Variants in CTNNA2 observed in about 807,000 individuals in gnomAD.
CTNNA2 encodes catenin alpha 2.
In CTNNA2, 42 loss-of-function variants were observed where a neutral mutation model predicts 101.0. The observed-to-expected ratio is 0.42, with a 90% CI of 0.32 to 0.54. The LOEUF is 0.54. Ranked by LOEUF, CTNNA2 falls within the 20% of genes least tolerant of loss-of-function variation. CTNNA2 has a pLI of 0.14. For missense variants in CTNNA2, 871 were observed against 1,223.1 expected, an observed-to-expected ratio of 0.71 and a Z score of 4.29; for synonymous variants, 450 against 456.4, an observed-to-expected ratio of 0.99 and a Z score of 0.18.
chr2:79,827,740 G>A (rs1169509363), intron 3 of CTNNA2, among the ~76,000 whole-genome samples: 2 of 152,164 alleles, frequency 1.3e-5, no homozygotes, highest in Non-Finnish European at 2.9e-5. Context: ...AAAGTCTTAT[G>A]TGTCAACAAT....
At chr2:80,215,920 C>T (rs1708238096) in intron 7 of CTNNA2, among the ~76,000 whole-genome samples, 1 of 152,210 alleles carries the variant, frequency 6.6e-6, no homozygotes, top group Non-Finnish European at 1.5e-5. Context: ...CCAATTCGAG[C>T]TTCCTGACCA....
rs578127536 is a variant in CTNNA2, at chr2:79,989,438, C to T, written c.1056+79641C>T. ...AGAAGTTCAAAACCAGCCTGAGCAA[C>T]ATGGTGAAAATCCCGTCTATACAAA... On this transcript the variant is annotated intron_variant, in intron 7 of 18. Transcript: ENST00000402739. Among the ~76,000 whole-genome samples, 37 of 152,194 alleles carry T rather than the reference C, an allele frequency of 2.4e-4. No individual in the cohort carries two copies. The Middle Eastern group carries it at 0.01, about 42-fold the overall frequency.
At chr2:79,536,575 G>GTA (rs1553422804) in intron 1 of CTNNA2, among the ~76,000 whole-genome samples, 3,327 of 20,832 alleles carry the variant, frequency 0.16, 120 homozygotes, top group African/African-American at 0.36. Flanking sequence ...CTCTAAAGAA[G>GTA]TGTGTGTGTG....
At chr2:79,730,664 A>C (rs1479855351) in intron 2 of CTNNA2, among the ~76,000 whole-genome samples, 1 of 152,070 alleles carries the variant, frequency 6.6e-6, no homozygotes, top group African/African-American at 2.4e-5. Flanking sequence ...TTCTAAAAGT[A>C]GCTTGAAATT....
intron 3 of CTNNA2, among the ~76,000 whole-genome samples, chr2:79,801,304 G>C (rs1461832921): frequency 6.6e-6 from 1 of 152,136 alleles, no homozygotes; most frequent in Non-Finnish European, 1.5e-5. Flanking sequence ...CTGCCCCAGG[G>C]TATGCTTTTG....
At chr2:79,845,823 T>C (rs1287360129) in intron 3 of CTNNA2, among the ~76,000 whole-genome samples, 3 of 152,234 alleles carry the variant, frequency 2.0e-5, no homozygotes, top group Non-Finnish European at 4.4e-5. Context: ...AGCTGTGTTT[T>C]ATTATGGTTT....
intron 2 of CTNNA2, among the ~76,000 whole-genome samples, chr2:79,216,784 G>C (rs75932120): frequency 0.16 from 24,850 of 150,822 alleles, 2,425 homozygotes; most frequent in South Asian, 0.23. Context: ...CCCCAGAAAA[G>C]CAGAGAAGGG....
At chr2:80,268,383 A>G (rs1459040603) in intron 7 of CTNNA2, among the ~76,000 whole-genome samples, 2 of 152,158 alleles carry the variant, frequency 1.3e-5, no homozygotes, top group African/African-American at 4.8e-5. Context: ...GGACATCTCT[A>G]TTTTACAGGT....
At position 79,525,141 on chromosome 2, in the gene CTNNA2, A is replaced by G. The variant is rs1343117916; in HGVS notation, c.-6+11934A>G. Among the ~76,000 whole-genome samples the G allele has an allele frequency of 2.6e-5, 4 of 152,080 alleles. No homozygotes were observed. The East Asian group carries it at 7.7e-4, about 29-fold the overall frequency. ...GCTGTTGTGCTAATACGAGACCTTC[A>G]TTCCACATCCATCATTGTTTGTTAG... On this transcript the variant is annotated intron_variant, in intron 1 of 18. Transcript: ENST00000402739.
chr2:79,466,697 G>T (rs1185362215), intron 4 of CTNNA2, among the ~76,000 whole-genome samples: 1 of 152,174 alleles, frequency 6.6e-6, no homozygotes, highest in Non-Finnish European at 1.5e-5. Flanking sequence ...GGAAAAATCA[G>T]GCAGCAACAT....
intron 1 of CTNNA2, among the ~76,000 whole-genome samples, chr2:79,606,405 C>T (rs1433510637): frequency 6.6e-6 from 1 of 152,002 alleles, no homozygotes; most frequent in Non-Finnish European, 1.5e-5. Context: ...GTAGCTGGGA[C>T]TACAGACACC....
At chr2:80,439,711 A>G (rs1682383250) in intron 9 of CTNNA2, among the ~76,000 whole-genome samples, 1 of 152,168 alleles carries the variant, frequency 6.6e-6, no homozygotes, top group African/African-American at 2.4e-5. Context: ...TTATCTTATA[A>G]GGTATTTTTA....
intron 7 of CTNNA2, among the ~76,000 whole-genome samples, chr2:80,108,210 T>A (rs1701007313): frequency 6.6e-6 from 1 of 152,176 alleles, no homozygotes; most frequent in African/African-American, 2.4e-5. Context: ...GGAGCAGCCT[T>A]GGGTAGCCTA....
intron 9 of CTNNA2, among the ~76,000 whole-genome samples, chr2:80,435,991 T>G (rs1681991394): frequency 6.6e-6 from 1 of 152,206 alleles, no homozygotes; most frequent in African/African-American, 2.4e-5. Flanking sequence ...ATCTCCTGCT[T>G]AATTTTTTAA....
intron 7 of CTNNA2, among the ~76,000 whole-genome samples, chr2:80,376,797 TC>T (rs1326636366): frequency 3.4e-4 from 51 of 152,192 alleles, no homozygotes; most frequent in African/African-American, 1.2e-3. Context: ...TGCAAGGCCA[TC>T]CCTTCCTTGA....
chr2:80,594,821 TTA>T (rs142206436), intron 15 of CTNNA2, among the ~76,000 whole-genome samples: 1 of 151,204 alleles, frequency 6.6e-6, no homozygotes, highest in African/African-American at 2.4e-5. Context: ...TCATTTGACC[TTA>T]TATATATATA....
At chr2:79,466,616 G>A (rs1189702571) in intron 4 of CTNNA2, among the ~76,000 whole-genome samples, 1 of 152,310 alleles carries the variant, frequency 6.6e-6, no homozygotes, top group Non-Finnish European at 1.5e-5. Context: ...AGCCTAACTG[G>A]GAGGCATCCC....
chr2:80,074,947 A>G (rs1340090390), intron 7 of CTNNA2, among the ~76,000 whole-genome samples: 3 of 152,162 alleles, frequency 2.0e-5, no homozygotes, highest in Non-Finnish European at 2.9e-5. Context: ...TATACAGACA[A>G]TTTGTCAATT....
chr2:79,328,085 G>T (rs1676787630), intron 3 of CTNNA2, among the ~76,000 whole-genome samples: 1 of 152,174 alleles, frequency 6.6e-6, no homozygotes, highest in Non-Finnish European at 1.5e-5. Flanking sequence ...CCATCAGAAT[G>T]TTATGGGGGC....
Sources: allele counts gnomAD v4.1 joint callset (sites outside exome capture counted in the v4.1 genomes callset), GRCh38; gene constraint gnomAD v4.1.1; transcripts MANE v1.5; gene names NCBI Gene and HGNC (gene_info 2026-07-23, HGNC 2026-07-21).